The following AK5 variants were observed in gnomAD, a reference collection of about 807,000 sequenced individuals.
The protein encoded by AK5 is adenylate kinase 5.
In AK5, 27 loss-of-function variants were observed where a neutral mutation model predicts 69.5. That is an observed-to-expected ratio of 0.39 (90% CI 0.29 to 0.54). AK5 has a LOEUF of 0.54. AK5 is among the 20% of genes least tolerant of loss of function. The pLI is 0.71. For missense variants in AK5, 531 were observed against 700.4 expected (o/e 0.76, Z 2.73); for synonymous variants, 260 against 244.4 (o/e 1.06, Z -0.60).
chr1:77,335,588 T>G (rs1033758658), intron 5 of AK5, among the ~76,000 whole-genome samples: 1 of 152,164 alleles, frequency 6.6e-6, no homozygotes, highest in Admixed American at 6.5e-5. Flanking sequence ...CTACTAAAGT[T>G]TTGGGAAAAC....
At chr1:77,453,413 A>T (rs1461412497) in intron 8 of AK5, among the ~76,000 whole-genome samples, 1 of 152,162 alleles carries the variant, frequency 6.6e-6, no homozygotes, top group Non-Finnish European at 1.5e-5. Flanking sequence ...TCTGCAACTT[A>T]ATTTGTTTGT....
chr1:77,338,226 G>A (rs574190864), intron 5 of AK5, among the ~76,000 whole-genome samples: 62 of 152,232 alleles, frequency 4.1e-4, no homozygotes, highest in African/African-American at 1.3e-3. Context: ...GCTTCCCAAA[G>A]TGCTGGGATT....
At chr1:77,351,555 T>G (rs1189811051) in intron 6 of AK5, among the ~76,000 whole-genome samples, 1 of 152,198 alleles carries the variant, frequency 6.6e-6, no homozygotes, top group East Asian at 1.9e-4. Flanking sequence ...TCCAACATCT[T>G]TAATGCTTTC....
intron 5 of AK5, among the ~76,000 whole-genome samples, chr1:77,304,488 G>C (rs1936438): frequency 0.99 from 149,346 of 151,540 alleles, 73,632 homozygotes; most frequent in Middle Eastern, 1. Context: ...TCACCGCAGC[G>C]TCTGTCTCCT....
intron 6 of AK5, among the ~76,000 whole-genome samples, chr1:77,387,268 A>G (rs1648098544): frequency 6.6e-6 from 1 of 152,252 alleles, no homozygotes; most frequent in Non-Finnish European, 1.5e-5. Flanking sequence ...CCTTTCAGCT[A>G]GGACATGAGC....
intron 7 of AK5, among the ~76,000 whole-genome samples, chr1:77,416,744 A>T (rs1256020567): frequency 6.6e-6 from 1 of 152,210 alleles, no homozygotes; most frequent in Non-Finnish European, 1.5e-5. Flanking sequence ...CATTTTTTAC[A>T]AATTTATATT....
Position 77,287,831 on chromosome 1 carries a change from C to T in AK5, c.247+704C>T, listed in dbSNP as rs1216105416. ...TTTGCCTTATTGAACACAGTTTGAA[C>T]ACTCAGCAGTGTATGAATGGTTGAA... is the stretch of plus-strand genomic sequence containing the variant. On this transcript the variant is annotated intron_variant, in intron 2 of 13. Coordinates refer to ENST00000354567, the MANE Select transcript of AK5 (RefSeq NM_174858.3). Among the ~76,000 whole-genome samples, 6 of 152,228 alleles carry T rather than the reference C, an allele frequency of 3.9e-5. No individual in the cohort carries two copies. In the East Asian group the frequency reaches 9.6e-4, roughly 24 times the overall value.
At chr1:77,423,555 TTAC>T in intron 8 of AK5, among the ~76,000 whole-genome samples, 1 of 151,944 alleles carries the variant, frequency 6.6e-6, no homozygotes, top group African/African-American at 2.4e-5. Context: ...GGACAAACCC[TTAC>T]CCCAAAGATT....
At chr1:77,343,338 C>T (rs1465526892) in intron 6 of AK5, among the ~76,000 whole-genome samples, 3 of 152,116 alleles carry the variant, frequency 2.0e-5, no homozygotes, top group Non-Finnish European at 2.9e-5. Context: ...TCTTCTCTGG[C>T]GCTTTGGTGT....
At position 77,297,673 on chromosome 1, in the gene AK5, A is replaced by G. The variant is rs528815235; in HGVS notation, c.530A>G (p.Asn177Ser). 1.9e-6 allele frequency: 3 copies of G among 1,613,994 alleles called. No individual in the cohort carries two copies. The highest frequency in any genetic ancestry group is 2.2e-5 in the East Asian group (1 of 44,854). The change falls in exon 4 of 14, where the codon AAT becomes AGT. Residue 177 changes from asparagine (N) to serine (S), a missense_variant. By Grantham distance (46) the Asn-to-Ser change is conservative. Coordinates refer to ENST00000354567, the MANE Select transcript of AK5 (RefSeq NM_174858.3). Reference protein sequence around the residue: ...LRKKIHSTSSNRKWSLIAKII... With the variant: ...LRKKIHSTSSSRKWSLIAKII... ...AAGAAGATCCACAGTACCAGCAGCAATAGGAAATGGAGTCTTATTGCCAAG... is the reference window on the plus strand; with the variant it reads ...AAGAAGATCCACAGTACCAGCAGCAGTAGGAAATGGAGTCTTATTGCCAAG...
intron 13 of AK5, chr1:77,557,337 C>T: frequency 4.8e-6 from 1 of 209,834 alleles, no homozygotes; most frequent in Non-Finnish European, 1.0e-5. Context: ...AGAGGTAATG[C>T]CTCATAACCA....
intron 2 of AK5, among the ~76,000 whole-genome samples, chr1:77,290,847 G>T (rs11806344): frequency 0.44 from 66,556 of 151,954 alleles, 14,936 homozygotes; most frequent in Middle Eastern, 0.5. Flanking sequence ...GAACAGACAT[G>T]GCACCTTCCT....
chr1:77,435,225 C>T (rs544977534), intron 8 of AK5, among the ~76,000 whole-genome samples: 185 of 152,264 alleles, frequency 1.2e-3, no homozygotes, highest in Non-Finnish European at 1.9e-3. Context: ...CTGCAAGATA[C>T]AGCAAAAATT....
intron 10 of AK5, among the ~76,000 whole-genome samples, chr1:77,500,933 T>C (rs1485089098): frequency 1.3e-5 from 2 of 152,200 alleles, no homozygotes; most frequent in Non-Finnish European, 2.9e-5. Flanking sequence ...GAAGCCAGAA[T>C]TCATGCTTAT....
chr1:77,537,408 T>C (rs945929635), intron 13 of AK5, among the ~76,000 whole-genome samples: 1 of 152,042 alleles, frequency 6.6e-6, no homozygotes, highest in Non-Finnish European at 1.5e-5. Flanking sequence ...CTCTGAGTGA[T>C]GGGAACTACC....
At chr1:77,458,782 G>A (rs1653654217) in intron 8 of AK5, among the ~76,000 whole-genome samples, 1 of 152,184 alleles carries the variant, frequency 6.6e-6, no homozygotes, top group Non-Finnish European at 1.5e-5. Flanking sequence ...TTTGAGTGGG[G>A]ACACAGAGAC....
chr1:77,429,899 TC>T (rs1382111875), intron 8 of AK5, among the ~76,000 whole-genome samples: 2 of 152,098 alleles, frequency 1.3e-5, no homozygotes, highest in Non-Finnish European at 1.5e-5. Flanking sequence ...AAGCATGGCA[TC>T]CAAAAGAAGA....
At chr1:77,527,947 T>C (rs532459906) in intron 12 of AK5, among the ~76,000 whole-genome samples, 2 of 152,290 alleles carry the variant, frequency 1.3e-5, no homozygotes, top group East Asian at 3.9e-4. Context: ...TAATCCCAGC[T>C]ACTTGGGAGG....
chr1:77,413,935 G>T (rs905794695), intron 7 of AK5, among the ~76,000 whole-genome samples: 1 of 152,062 alleles, frequency 6.6e-6, no homozygotes, highest in Non-Finnish European at 1.5e-5. Flanking sequence ...CCCAAATACC[G>T]TCAGAATATT....
Sources: allele counts gnomAD v4.1 joint callset (sites outside exome capture counted in the v4.1 genomes callset), GRCh38; gene constraint gnomAD v4.1.1; transcripts MANE v1.5; gene names NCBI Gene and HGNC (gene_info 2026-07-23, HGNC 2026-07-21).